Variants in CDH13 observed in about 807,000 individuals in gnomAD.
CDH13 encodes cadherin-13.
In CDH13, 24 loss-of-function variants were observed where a neutral mutation model predicts 63.8. The observed-to-expected ratio is 0.38, with a 90% confidence interval of 0.27 to 0.53. The LOEUF is 0.53. Among genes scored for constraint, CDH13 ranks in the 20% least tolerant of loss-of-function variants. CDH13 has a pLI of 0.85. For missense variants in CDH13, 1,049 were observed against 903.1 expected (o/e 1.16, Z -2.07); for synonymous variants, 503 against 355.3 (o/e 1.42, Z -4.67).
intron 1 of CDH13, among the ~76,000 whole-genome samples, chr16:82,753,432 C>A (rs531056198): frequency 4.1e-4 from 62 of 152,250 alleles, no homozygotes; most frequent in African/African-American, 1.4e-3. Context: ...CACCATTTAT[C>A]CTCTCTATAA....
intron 1 of CDH13, among the ~76,000 whole-genome samples, chr16:82,688,067 G>T (rs1014664649): frequency 1.3e-5 from 2 of 152,202 alleles, no homozygotes; most frequent in African/African-American, 4.8e-5. Flanking sequence ...AATGACAACA[G>T]TGTTTGTGAT....
chr16:83,767,544 G>C (rs753803548), intron 11 of CDH13, among the ~76,000 whole-genome samples: 12 of 152,072 alleles, frequency 7.9e-5, no homozygotes, highest in Admixed American at 6.6e-5. Flanking sequence ...AGCAGTATGA[G>C]GATAGACTAA....
chr16:83,541,217 A>G (rs992628691), intron 7 of CDH13, among the ~76,000 whole-genome samples: 3 of 152,110 alleles, frequency 2.0e-5, no homozygotes, highest in African/African-American at 7.2e-5. Flanking sequence ...GTTGAGTATC[A>G]GGAAGCTGCC....
At chr16:83,733,859 T>C (rs566611234) in intron 10 of CDH13, among the ~76,000 whole-genome samples, 36 of 152,260 alleles carry the variant, frequency 2.4e-4, no homozygotes, top group African/African-American at 8.7e-4. Context: ...TTGGCGTAAG[T>C]GGACAAAAGT....
intron 1 of CDH13, among the ~76,000 whole-genome samples, chr16:82,688,282 T>A (rs1179013120): frequency 6.6e-6 from 1 of 152,158 alleles, no homozygotes; most frequent in African/African-American, 2.4e-5. Flanking sequence ...GAACATGGTT[T>A]CTGATCTACA....
intron 2 of CDH13, among the ~76,000 whole-genome samples, chr16:82,963,903 G>A (rs1450351942): frequency 6.6e-6 from 1 of 152,184 alleles, no homozygotes; most frequent in Non-Finnish European, 1.5e-5. Flanking sequence ...GGAGAATAGA[G>A]ACCCCCAGCC....
chr16:83,345,827 A>G (rs1237317085), intron 6 of CDH13, among the ~76,000 whole-genome samples: 2 of 152,350 alleles, frequency 1.3e-5, no homozygotes, highest in African/African-American at 2.4e-5. Flanking sequence ...GTATCATATT[A>G]AGAGTATCAT....
chr16:83,068,936 A>G (rs978273764), intron 3 of CDH13, among the ~76,000 whole-genome samples: 2 of 152,156 alleles, frequency 1.3e-5, no homozygotes, highest in African/African-American at 4.8e-5. Context: ...CTGGTTAAGA[A>G]TGTTTTCACT....
intron 2 of CDH13, among the ~76,000 whole-genome samples, chr16:82,998,979 A>AT (rs755397603): frequency 2.0e-5 from 3 of 150,686 alleles, no homozygotes; most frequent in Non-Finnish European, 1.5e-5. Flanking sequence ...GCACATGAAT[A>AT]TTTATCTTAA....
chr16:83,577,481 C>G (rs1027790059), intron 7 of CDH13, among the ~76,000 whole-genome samples: 4 of 152,200 alleles, frequency 2.6e-5, no homozygotes, highest in African/African-American at 9.7e-5. Context: ...ATTTAAAGAG[C>G]CAGTGAGGGG....
chr16:83,446,090 G>A (rs1054256163), intron 6 of CDH13, among the ~76,000 whole-genome samples: 1 of 152,022 alleles, frequency 6.6e-6, no homozygotes, highest in South Asian at 2.1e-4. Context: ...ATTACAGGAG[G>A]TCAGGAGTTC....
chr16:83,596,316 A>C (rs1907251990), intron 7 of CDH13, among the ~76,000 whole-genome samples: 1 of 152,114 alleles, frequency 6.6e-6, no homozygotes, highest in African/African-American at 2.4e-5. Flanking sequence ...AAATCCCTCT[A>C]TTGGTCCTAG....
At chr16:82,636,195 T>G (rs1441165770) in intron 1 of CDH13, among the ~76,000 whole-genome samples, 1 of 152,180 alleles carries the variant, frequency 6.6e-6, no homozygotes, top group Non-Finnish European at 1.5e-5. Context: ...GAAGGAGGCC[T>G]GCTTGAGTTC....
chr16:83,029,993 A>T (rs1013352929), intron 2 of CDH13, among the ~76,000 whole-genome samples: 70 of 152,356 alleles, frequency 4.6e-4, no homozygotes, highest in African/African-American at 1.5e-3. Flanking sequence ...GCATGCACAG[A>T]TAATGAGTTG....
chr16:83,368,662 G>A (rs1470841486), intron 6 of CDH13, among the ~76,000 whole-genome samples: 10 of 143,890 alleles, frequency 6.9e-5, no homozygotes, highest in Non-Finnish European at 1.4e-4. Context: ...TCTCGTATCC[G>A]TTGCCATGCC....
At chr16:82,815,991 C>T (rs1450964806) in intron 1 of CDH13, among the ~76,000 whole-genome samples, 1 of 152,068 alleles carries the variant, frequency 6.6e-6, no homozygotes, top group African/African-American at 2.4e-5. Context: ...AAATGTATTA[C>T]CAAGTATGTG....
chr16:83,647,475 T>C (rs1395904729), intron 8 of CDH13, among the ~76,000 whole-genome samples: 1 of 152,166 alleles, frequency 6.6e-6, no homozygotes, highest in African/African-American at 2.4e-5. Context: ...TGCTAGATGT[T>C]GGCTCACTTT....
chr16:83,101,820 C>T (rs1351893859), intron 3 of CDH13, among the ~76,000 whole-genome samples: 1 of 151,872 alleles, frequency 6.6e-6, no homozygotes, highest in Non-Finnish European at 1.5e-5. Flanking sequence ...GTAGAGTGGC[C>T]AGGACAGGGC....
At chr16:82,719,408 C>G (rs547286414) in intron 1 of CDH13, 4 of 456,024 alleles carry the variant, frequency 8.8e-6, no homozygotes, top group East Asian at 6.9e-5. Flanking sequence ...CTTCCACTGG[C>G]TGTCCAATGG....
Sources: gnomAD v4.1 joint callset for allele counts (sites outside exome capture counted in the v4.1 genomes callset) on GRCh38, gnomAD v4.1.1 for gene constraint, MANE v1.5 for transcripts, NCBI Gene and HGNC (gene_info 2026-07-23, HGNC 2026-07-21) for gene names.